Variants in BAIAP2 observed in about 807,000 individuals in gnomAD.
The protein encoded by BAIAP2 is BAR/IMD domain containing adaptor protein 2, also known as BAR/IMD domain-containing adapter protein 2.
BAIAP2 carries 18 observed loss-of-function variants against 63.0 expected under a neutral mutation model. The ratio of observed to expected loss-of-function variants is 0.29; its 90% CI spans 0.20 to 0.42. The LOEUF (loss-of-function observed/expected upper bound fraction) is 0.42, where lower values mean the gene tolerates loss of function less well. Ranked by LOEUF, BAIAP2 falls within the 10% of genes least tolerant of loss-of-function variation. The probability of loss-of-function intolerance (pLI) is 1.00; values close to 1 mark genes in which losing one functional copy is unlikely to be tolerated. For missense variants in BAIAP2, 610 were observed against 734.3 expected (o/e 0.83, Z 1.96); for synonymous variants, 386 against 307.6 (o/e 1.25, Z -2.67).
At position 81,053,754 on chromosome 17, in the gene BAIAP2, G is replaced by A. The variant is rs751553294; in HGVS notation, c.130+11G>A. ...AGAAGGCACTGGCAGGTGGAACTGCGCCCGGGCCCCGTGGGGTGGGAGCTG... is the reference window on the plus strand; with the variant it reads ...AGAAGGCACTGGCAGGTGGAACTGCACCCGGGCCCCGTGGGGTGGGAGCTG... On this transcript the variant is annotated intron_variant, in intron 2 of 13. Coordinates refer to ENST00000428708, the MANE Select transcript of BAIAP2 (RefSeq NM_001144888.2). 1.7e-5 allele frequency: 28 copies of A among 1,613,582 alleles called. No individual in the cohort carries two copies. The highest frequency in any genetic ancestry group is 6.7e-5 in the East Asian group (3 of 44,880).
At chr17:81,103,447 G>C in intron 7 of BAIAP2, 55 bp from the exon 8 acceptor site, 2 of 1,493,618 alleles carry the variant, frequency 1.3e-6, no homozygotes, top group East Asian at 2.5e-5. Context: ...GCTGTGCCTG[G>C]CTGCAGGAGA....
chr17:81,085,083 G>C, intron 4 of BAIAP2, 190 bp downstream of exon 4: 2 of 623,468 alleles, frequency 3.2e-6, no homozygotes, highest in African/African-American at 3.6e-5. Context: ...GCACAGGCCA[G>C]ACCGCGGCCG....
chr17:81,058,131 C>T (rs1023915636), intron 3 of BAIAP2, among the ~76,000 whole-genome samples, 164 bp downstream of exon 3: 2 of 152,192 alleles, frequency 1.3e-5, no homozygotes, highest in African/African-American at 4.8e-5. Context: ...TTGTGGGGCA[C>T]ACCCTGCTGA....
At position 81,057,969 on chromosome 17, in the gene BAIAP2, T is replaced by TGGGGGGG; in HGVS notation, c.217+3_217+4insGGGGGGG. 1.0e-6 allele frequency: 1 copy of TGGGGGGG among 964,856 alleles called. No homozygotes were observed. 59.8% of individuals were successfully genotyped at this position (964,856 alleles called of 1,614,324 possible). On this transcript the variant is annotated splice_region_variant and intron_variant, in intron 3 of 13. Transcript: ENST00000428708. ...AGAGCCAGGGCTCCAAAGAACTCGG[T>TGGGGGGG]GAGACCCCCCCCCCCCCCCCGCCTG...
At chr17:81,039,059 T>C (rs1402020884) in intron 1 of BAIAP2, among the ~76,000 whole-genome samples, 1 of 152,258 alleles carries the variant, frequency 6.6e-6, no homozygotes, top group African/African-American at 2.4e-5. Flanking sequence ...ATGGGCACCA[T>C]CTTGCCGCAG....
intron 2 of BAIAP2, among the ~76,000 whole-genome samples, chr17:81,056,952 G>C (rs1030892455): frequency 6.6e-6 from 1 of 150,968 alleles, no homozygotes; most frequent in Non-Finnish European, 1.5e-5. Flanking sequence ...TTTTGTTCGA[G>C]GCAGCACACC....
At chr17:81,041,608 CTT>C (rs2047089525) in intron 1 of BAIAP2, among the ~76,000 whole-genome samples, 1 of 151,956 alleles carries the variant, frequency 6.6e-6, no homozygotes, top group Non-Finnish European at 1.5e-5. Context: ...GAGTTTTGCT[CTT>C]GTTGCCCAGG....
chr17:81,037,428 G>T (rs2046430012), intron 1 of BAIAP2, among the ~76,000 whole-genome samples: 1 of 152,212 alleles, frequency 6.6e-6, no homozygotes, highest in Non-Finnish European at 1.5e-5. Flanking sequence ...GAGTCTTTGA[G>T]ACCTTTTTGT....
At chr17:81,092,855 C>A (rs527414592) in intron 6 of BAIAP2, among the ~76,000 whole-genome samples, 54 of 152,314 alleles carry the variant, frequency 3.5e-4, no homozygotes, top group Non-Finnish European at 6.8e-4. Flanking sequence ...GACACCTTCT[C>A]TGTGGGTTTA....
At chr17:81,095,712 G>A (rs1598754736) in intron 6 of BAIAP2, among the ~76,000 whole-genome samples, 4 of 152,130 alleles carry the variant, frequency 2.6e-5, no homozygotes, top group African/African-American at 2.4e-5. Context: ...CCCAGGATCT[G>A]GAGGGGCCCC....
rs1044631959 is a variant in BAIAP2 at position 81,043,248 on chromosome 17, A to G, written c.54+7940A>G. ...ATGAAGTGGACCTGGGTCCCCCCAT[A>G]CCCGTTTTTCCAGCCCCCTCTTCCG... On this transcript the variant is annotated intron_variant, in intron 1 of 13. Transcript: ENST00000428708. Among the ~76,000 whole-genome samples the G allele has an allele frequency of 2.0e-5, 3 of 152,230 alleles. No homozygotes were observed. The South Asian group carries it at 6.2e-4, about 32-fold the overall frequency.
intron 1 of BAIAP2, chr17:81,036,793 T>C (rs1049587157): frequency 4.5e-6 from 6 of 1,325,068 alleles, no homozygotes; most frequent in African/African-American, 4.4e-5. Flanking sequence ...TGGAAGCACA[T>C]GTTGTCAAGG....
At chr17:81,093,861 C>G (rs2057212307) in intron 6 of BAIAP2, among the ~76,000 whole-genome samples, 1 of 152,176 alleles carries the variant, frequency 6.6e-6, no homozygotes, top group Non-Finnish European at 1.5e-5. Flanking sequence ...AGTCTGGCGA[C>G]GTGCGGGGGG....
intron 1 of BAIAP2, among the ~76,000 whole-genome samples, chr17:81,040,008 A>G (rs926663459): frequency 2.0e-5 from 3 of 151,650 alleles, no homozygotes; most frequent in African/African-American, 7.3e-5. Context: ...AGAGCTGGAC[A>G]TCACCACTTG....
intron 1 of BAIAP2, among the ~76,000 whole-genome samples, chr17:81,052,114 G>A (rs2048764550): frequency 6.6e-6 from 1 of 152,172 alleles, no homozygotes; most frequent in African/African-American, 2.4e-5. Flanking sequence ...CCTCCCCTGG[G>A]CCCCTTCCAC....
chr17:81,103,575 G>C lies in BAIAP2; in HGVS notation c.716G>C (p.Arg239Pro), dbSNP rs375070592. ...ACADPSKIPE[R>P]AVQLMQQVAS... ...GCCGACCCCAGCAAGATCCCGGAGC[G>C]CGCGGTGCAGCTCATGCAGCAGGTG... Residue 239 changes from arginine to proline, a missense_variant, in exon 8 of 14, where the codon CGC (arginine) becomes CCC (proline). Arg to Pro is a moderately radical substitution (Grantham distance 103). This residue lies in a region of BAIAP2 where 389 missense variants were observed against 455.6 expected (regional missense o/e 0.85). Coordinates refer to ENST00000428708, the MANE Select transcript of BAIAP2 (RefSeq NM_001144888.2). The C allele has an allele frequency of 6.2e-7, 1 of 1,603,188 alleles. No individual in the cohort carries two copies. Among genetic ancestry groups the C allele is most frequent in the Non-Finnish European group, 8.5e-7 (1 of 1,179,294 alleles).
intron 2 of BAIAP2, chr17:81,056,364 C>G (rs962335800): frequency 2.6e-5 from 4 of 152,254 alleles, no homozygotes; most frequent in Non-Finnish European, 4.4e-5. Flanking sequence ...GGGGGCTGGT[C>G]TTGCACATTG....
intron 13 of BAIAP2, chr17:81,108,789 G>A: frequency 9.3e-7 from 1 of 1,074,432 alleles, no homozygotes; most frequent in Non-Finnish European, 1.3e-6. Flanking sequence ...GGCATCCATG[G>A]CTGGGGCTGC....
At chr17:81,109,009 C>T (rs888612688) in intron 13 of BAIAP2, 2 of 1,545,426 alleles carry the variant, frequency 1.3e-6, no homozygotes, top group East Asian at 2.5e-5. Context: ...GGACGCTGAC[C>T]CCGGGCAGCC....
Sources: gnomAD v4.1 joint callset for allele counts (sites outside exome capture counted in the v4.1 genomes callset) on GRCh38, gnomAD v4.1.1 for gene constraint, gnomAD v4.1.1 regional missense constraint, MANE v1.5 for transcripts, NCBI Gene and HGNC (gene_info 2026-07-23, HGNC 2026-07-21) for gene names.